Variants in UVRAG observed in about 807,000 individuals in gnomAD.
The protein encoded by UVRAG is UV radiation resistance associated, also known as UV radiation resistance-associated gene protein.
In UVRAG, 19 loss-of-function variants were observed where a neutral mutation model predicts 78.0. The observed-to-expected ratio is 0.24, with a 90% CI of 0.17 to 0.36. The LOEUF (loss-of-function observed/expected upper bound fraction) is 0.36. Among genes scored for constraint, UVRAG ranks in the 10% least tolerant of loss-of-function variants. The pLI is 1.00. For missense variants in UVRAG, 740 were observed against 853.8 expected, an observed-to-expected ratio of 0.87 and a Z score of 1.66; for synonymous variants, 323 against 324.6, an observed-to-expected ratio of 1.00 and a Z score of 0.05.
chr11:75,877,922 C>G (rs1323087317), intron 3 of UVRAG, among the ~76,000 whole-genome samples: 9 of 149,884 alleles, frequency 6.0e-5, no homozygotes, highest in African/African-American at 2.0e-4. Flanking sequence ...CTGACCCCCC[C>G]ACCTCCCTCC....
intron 6 of UVRAG, among the ~76,000 whole-genome samples, chr11:75,960,997 A>T (rs1010266706): frequency 6.6e-6 from 1 of 150,998 alleles, no homozygotes; most frequent in African/African-American, 2.4e-5. Context: ...GTCTGCTTTG[A>T]TTCAACCTTC....
chr11:75,940,917 G>A (rs1401280713), intron 6 of UVRAG, among the ~76,000 whole-genome samples: 1 of 151,956 alleles, frequency 6.6e-6, no homozygotes, highest in Non-Finnish European at 1.5e-5. Context: ...GTATCAAATT[G>A]CCTGATGTAT....
intron 13 of UVRAG, among the ~76,000 whole-genome samples, chr11:76,078,117 T>C (rs187254185): frequency 7.4e-4 from 112 of 152,338 alleles, no homozygotes; most frequent in African/African-American, 2.6e-3. Context: ...AAATGAATTA[T>C]GAGCTATATG....
At chr11:75,889,044 G>A in intron 5 of UVRAG, 141 bp downstream of exon 5, 1 of 545,130 alleles carries the variant, frequency 1.8e-6, no homozygotes, top group East Asian at 3.4e-5. Context: ...TAAGGTGGAT[G>A]CTTTTTAATG....
chr11:75,816,286 T>C (rs1945262044), intron 1 of UVRAG, among the ~76,000 whole-genome samples: 1 of 152,244 alleles, frequency 6.6e-6, no homozygotes, highest in Non-Finnish European at 1.5e-5. Context: ...ACACTGACTT[T>C]GGAGATGTGA....
At chr11:76,059,637 C>T (rs979796170) in intron 12 of UVRAG, among the ~76,000 whole-genome samples, 3 of 152,120 alleles carry the variant, frequency 2.0e-5, no homozygotes, top group East Asian at 1.9e-4. Flanking sequence ...GACAGCACCC[C>T]ACAACAAAGA....
At chr11:75,918,282 G>A (rs905503485) in intron 6 of UVRAG, among the ~76,000 whole-genome samples, 1 of 151,568 alleles carries the variant, frequency 6.6e-6, no homozygotes, top group African/African-American at 2.4e-5. Context: ...CAGAGGCTAA[G>A]GCAGGAGAAT....
intron 1 of UVRAG, among the ~76,000 whole-genome samples, chr11:75,846,600 T>G (rs1946038673): frequency 6.6e-6 from 1 of 152,168 alleles, no homozygotes; most frequent in Non-Finnish European, 1.5e-5. Flanking sequence ...TTCATTTTTT[T>G]TTTTTTGCAT....
chr11:75,987,091 A>G (rs1949514670), intron 8 of UVRAG, among the ~76,000 whole-genome samples: 1 of 152,126 alleles, frequency 6.6e-6, no homozygotes. Context: ...TTTTGTAGGG[A>G]TGTTTGATTT....
chr11:76,115,975 A>C lies in UVRAG; in HGVS notation c.1357A>C (p.Asn453His). 6.2e-7 allele frequency: 1 copy of C among 1,613,978 alleles called. No individual in the cohort carries two copies. The highest frequency in any genetic ancestry group is 8.5e-7 in the Non-Finnish European group (1 of 1,179,886). ...GTPDLRQTLP[N>H]LKNFMEHGLM... ...TCCAGACTTGCGGCAAACCCTTCCC[A>C]ACCTGAAAAACTTCATGGAGCATGG... Residue 453 changes from asparagine to histidine, a missense_variant, in exon 14 of 15, where the codon AAC becomes CAC. Coordinates refer to ENST00000356136, the MANE Select transcript of UVRAG (RefSeq NM_003369.4).
intron 3 of UVRAG, chr11:75,878,405 C>T (rs1436969183): frequency 5.6e-5 from 9 of 160,574 alleles, no homozygotes; most frequent in South Asian, 2.6e-4. Context: ...GGGCTCCTCA[C>T]ATCCCAGACG....
intron 6 of UVRAG, among the ~76,000 whole-genome samples, chr11:75,948,889 A>G (rs1948631847): frequency 6.6e-6 from 1 of 152,194 alleles, no homozygotes; most frequent in Admixed American, 6.6e-5. Flanking sequence ...ATGGATTGTG[A>G]TATTTCTAGT....
intron 12 of UVRAG, among the ~76,000 whole-genome samples, chr11:76,039,045 T>A (rs1476966579): frequency 6.6e-6 from 1 of 152,238 alleles, no homozygotes; most frequent in Non-Finnish European, 1.5e-5. Flanking sequence ...AGATAGTAAA[T>A]GAGTGTTTTA....
intron 1 of UVRAG, among the ~76,000 whole-genome samples, chr11:75,820,650 C>A (rs10899133): frequency 6.6e-6 from 1 of 152,040 alleles, no homozygotes; most frequent in Non-Finnish European, 1.5e-5. Context: ...CCACCGCACC[C>A]GGCCTCACTT....
chr11:75,952,830 T>G (rs7113365), intron 6 of UVRAG, among the ~76,000 whole-genome samples: 8,531 of 152,064 alleles, frequency 0.056, 299 homozygotes, highest in African/African-American at 0.098. Context: ...CCCTTCTTCT[T>G]CTTGGAAAGA....
chr11:75,931,463 C>T (rs1416605113), intron 6 of UVRAG, among the ~76,000 whole-genome samples: 1 of 152,138 alleles, frequency 6.6e-6, no homozygotes, highest in African/African-American at 2.4e-5. Flanking sequence ...ACCATCTTTC[C>T]TTTTGTTCCC....
At chr11:76,020,735 C>T (rs1028232570) in intron 12 of UVRAG, among the ~76,000 whole-genome samples, 6 of 150,458 alleles carry the variant, frequency 4.0e-5, no homozygotes, top group Non-Finnish European at 7.4e-5. Context: ...TTAGCCACCC[C>T]GGCTAGTGTC....
At chr11:76,090,981 A>G (rs535856364) in intron 13 of UVRAG, among the ~76,000 whole-genome samples, 16 of 152,306 alleles carry the variant, frequency 1.1e-4, no homozygotes, top group Non-Finnish European at 1.8e-4. Flanking sequence ...AAATCCTCAC[A>G]AAGAATGCAT....
chr11:75,914,084 G>T (rs917689214), intron 6 of UVRAG: 2 of 152,198 alleles, frequency 1.3e-5, no homozygotes, highest in Non-Finnish European at 2.9e-5. Flanking sequence ...AACCCAGGGA[G>T]TTGTTCTGGA....
Sources: allele counts gnomAD v4.1 joint callset (sites outside exome capture counted in the v4.1 genomes callset), GRCh38; gene constraint gnomAD v4.1.1; transcripts MANE v1.5; gene names NCBI Gene and HGNC (gene_info 2026-07-23, HGNC 2026-07-21).